The following MCC variants were observed in gnomAD, a reference collection of about 807,000 sequenced individuals.
MCC encodes colorectal mutant cancer protein.
In MCC, 90 loss-of-function variants were observed where a neutral mutation model predicts 116.2. That is an observed-to-expected ratio of 0.77 (90% CI 0.65 to 0.92). The LOEUF (loss-of-function observed/expected upper bound fraction) is 0.92. MCC is among the 40% of genes least tolerant of loss of function. MCC has a pLI of 0.00. For missense variants in MCC, 1,516 were observed against 1,312.2 expected (o/e 1.16, Z -2.40); for synonymous variants, 578 against 510.5 (o/e 1.13, Z -1.78).
chr5:113,267,252 G>A (rs918417836), intron 3 of MCC, among the ~76,000 whole-genome samples: 4 of 151,974 alleles, frequency 2.6e-5, no homozygotes, highest in African/African-American at 9.7e-5. Context: ...GGCAACCACT[G>A]GCACACCAAA....
chr5:113,385,319 G>T, intron 1 of MCC, 107 bp from the exon 2 acceptor site: 2 of 1,133,958 alleles, frequency 1.8e-6, no homozygotes, highest in Non-Finnish European at 2.5e-6. Flanking sequence ...TCACATACTA[G>T]ACCTATTTTC....
At chr5:113,078,281 G>A (rs1754600818) in intron 11 of MCC, among the ~76,000 whole-genome samples, 1 of 152,204 alleles carries the variant, frequency 6.6e-6, no homozygotes, top group African/African-American at 2.4e-5. Flanking sequence ...TAGAAAAAGA[G>A]GGAATCCTCC....
chr5:113,157,124 C>T (rs186764129), intron 3 of MCC, among the ~76,000 whole-genome samples: 1 of 152,298 alleles, frequency 6.6e-6, no homozygotes, highest in East Asian at 1.9e-4. Flanking sequence ...ATGAGAGCCC[C>T]TCCAGGAGTG....
chr5:113,390,227 C>G (rs1001935275), intron 1 of MCC, among the ~76,000 whole-genome samples: 1 of 152,200 alleles, frequency 6.6e-6, no homozygotes, highest in Non-Finnish European at 1.5e-5. Flanking sequence ...CAGTGAATAT[C>G]TGGTGAATTA....
At chr5:113,147,170 G>C (rs1338426505) in intron 4 of MCC, among the ~76,000 whole-genome samples, 2 of 152,096 alleles carry the variant, frequency 1.3e-5, no homozygotes, top group African/African-American at 4.8e-5. Flanking sequence ...CTTGTGTCTA[G>C]CCACATAAAT....
intron 6 of MCC, among the ~76,000 whole-genome samples, chr5:113,105,079 T>G (rs1194695885): frequency 6.6e-6 from 1 of 152,226 alleles, no homozygotes; most frequent in South Asian, 2.1e-4. Context: ...GAAGACAATT[T>G]TGTTGGGAAG....
At chr5:113,437,582 A>G (rs1000073024) in intron 1 of MCC, among the ~76,000 whole-genome samples, 3 of 152,228 alleles carry the variant, frequency 2.0e-5, no homozygotes, top group African/African-American at 7.2e-5. Context: ...GATGATACAC[A>G]TACACTCACA....
At chr5:113,074,699 T>C (rs980853668) in intron 11 of MCC, among the ~76,000 whole-genome samples, 2 of 152,204 alleles carry the variant, frequency 1.3e-5, no homozygotes, top group Admixed American at 6.5e-5. Context: ...TTAAATGACC[T>C]GAAGGAGCTG....
In MCC at chr5:113,291,820, G is replaced by A. The variant is rs370913012; in HGVS notation, c.627+48699C>T. On this transcript the variant is annotated intron_variant, in intron 3 of 18. Coordinates refer to ENST00000408903, the MANE Select transcript of MCC (RefSeq NM_001085377.2). ...AAGATCTAATGTGAGGAATACAAAC[G>A]AATTGTATTTGAATCTATGGATACT... is the stretch of plus-strand genomic sequence containing the variant. Among the ~76,000 whole-genome samples the A allele has an allele frequency of 1.0e-3, 157 of 152,278 alleles. 1 individual carries two copies. Among genetic ancestry groups the A allele is most frequent in the African/African-American group, 3.7e-3 (154 of 41,552 alleles).
At chr5:113,204,415 G>T (rs1220777736) in intron 3 of MCC, 1 of 152,104 alleles carries the variant, frequency 6.6e-6, no homozygotes, top group African/African-American at 2.4e-5. Context: ...CCTCCGAAAT[G>T]CATTAAAATT....
At chr5:113,259,480 T>C (rs1361344453) in intron 3 of MCC, among the ~76,000 whole-genome samples, 1 of 152,060 alleles carries the variant, frequency 6.6e-6, no homozygotes, top group Non-Finnish European at 1.5e-5. Context: ...CACCCCTAAG[T>C]CATTTAACAG....
At chr5:113,145,808 AAG>A (rs1759483179) in intron 4 of MCC, among the ~76,000 whole-genome samples, 1 of 126,172 alleles carries the variant, frequency 7.9e-6, no homozygotes, top group African/African-American at 3.6e-5. Context: ...ACACACACAA[AAG>A]ACCCTGTGGG....
At position 113,344,001 on chromosome 5, in the gene MCC, GACTTCCTCTC is replaced by G. The variant is rs1768074094; in HGVS notation, c.416-3281_416-3272del. ...GTAAGCAATCACAGTACCTGGTTTTGACTTCCTCTCACTGAAAGAGGCACTCAAGAGGTAG... is the reference window on the plus strand; with the variant it reads ...GTAAGCAATCACAGTACCTGGTTTTGACTGAAAGAGGCACTCAAGAGGTAG... On this transcript the variant is annotated intron_variant, in intron 2 of 18. Coordinates refer to ENST00000408903, the MANE Select transcript of MCC (RefSeq NM_001085377.2). 2.0e-5 allele frequency among the ~76,000 whole-genome samples: 3 copies of G among 152,156 alleles called. No homozygotes were observed. In the South Asian group the frequency reaches 6.2e-4, roughly 32 times the overall value.
intron 1 of MCC, among the ~76,000 whole-genome samples, chr5:113,419,902 A>G (rs1770276682): frequency 6.7e-6 from 1 of 149,564 alleles, no homozygotes; most frequent in African/African-American, 2.5e-5. Flanking sequence ...GGATAGCATT[A>G]GGAGATATAC....
chr5:113,295,073 G>T, intron 3 of MCC: 1 of 392,360 alleles, frequency 2.5e-6, no homozygotes, highest in Non-Finnish European at 3.5e-6. Flanking sequence ...GGAGAGCAGA[G>T]CAGGCATCCT....
At chr5:113,305,294 C>T (rs1383959459) in intron 3 of MCC, among the ~76,000 whole-genome samples, 1 of 152,164 alleles carries the variant, frequency 6.6e-6, no homozygotes, top group South Asian at 2.1e-4. Flanking sequence ...ATCACATGAG[C>T]TCAAACTTCC....
At chr5:113,099,471 T>C (rs1407544841) in intron 8 of MCC, among the ~76,000 whole-genome samples, 1 of 152,382 alleles carries the variant, frequency 6.6e-6, no homozygotes, top group African/African-American at 2.4e-5. Flanking sequence ...CTATATATTT[T>C]ACTCCAAAGA....
intron 1 of MCC, among the ~76,000 whole-genome samples, chr5:113,486,902 A>C (rs922901918): frequency 1.3e-5 from 2 of 152,152 alleles, no homozygotes. Flanking sequence ...ATGAGATAAT[A>C]ACCTTTCAAG....
chr5:113,153,057 CCT>C (rs1249515490), intron 3 of MCC, among the ~76,000 whole-genome samples: 3 of 152,114 alleles, frequency 2.0e-5, no homozygotes, highest in Non-Finnish European at 4.4e-5. Context: ...TTGGTTGCCC[CCT>C]CAGCCTTTGA....
Sources: allele counts gnomAD v4.1 joint callset (sites outside exome capture counted in the v4.1 genomes callset), GRCh38; gene constraint gnomAD v4.1.1; transcripts MANE v1.5; gene names NCBI Gene and HGNC (gene_info 2026-07-23, HGNC 2026-07-21).